UNC5C: variants seen among roughly 807,000 people sequenced by gnomAD.
UNC5C encodes unc-5 netrin receptor C, also known as netrin receptor UNC5C.
A neutral mutation model predicts 99.8 loss-of-function variants in UNC5C; 47 were observed. That is an observed-to-expected ratio of 0.47 (90% CI 0.37 to 0.60). The LOEUF (loss-of-function observed/expected upper bound fraction) is 0.60. Among genes scored for constraint, UNC5C ranks in the 20% least tolerant of loss-of-function variants. The probability of loss-of-function intolerance (pLI) is 0.00; values close to 1 mark genes in which losing one functional copy is unlikely to be tolerated. For missense variants in UNC5C, 1,062 were observed against 1,165.9 expected, an observed-to-expected ratio of 0.91 and a Z score of 1.30; for synonymous variants, 487 against 452.2, an observed-to-expected ratio of 1.08 and a Z score of -0.98.
intron 1 of UNC5C, among the ~76,000 whole-genome samples, chr4:95,447,726 C>T (rs1393676879): frequency 2.6e-5 from 4 of 152,122 alleles, no homozygotes; most frequent in Non-Finnish European, 1.5e-5. Context: ...GTCTCAAACT[C>T]GTGATCTCAG....
chr4:95,352,288 C>A (rs1197660862), intron 1 of UNC5C, among the ~76,000 whole-genome samples: 1 of 152,136 alleles, frequency 6.6e-6, no homozygotes, highest in Non-Finnish European at 1.5e-5. Context: ...TTTGAACACA[C>A]CAAACTCATT....
At chr4:95,193,341 C>T (rs571256317) in intron 12 of UNC5C, among the ~76,000 whole-genome samples, 14 of 152,282 alleles carry the variant, frequency 9.2e-5, no homozygotes, top group South Asian at 2.1e-4. Flanking sequence ...TGCTTTGGTT[C>T]GGCTTTCTGG....
intron 1 of UNC5C, among the ~76,000 whole-genome samples, chr4:95,467,751 C>T (rs960358892): frequency 5.3e-5 from 8 of 152,032 alleles, no homozygotes; most frequent in Admixed American, 2.0e-4. Flanking sequence ...TTTCATTCTC[C>T]AAATCTTAAC....
rs745739325 is a variant in UNC5C at position 95,548,722 on chromosome 4, G to C, written c.124+12C>G. The C allele has an allele frequency of 3.1e-6, 5 of 1,611,594 alleles. No individual in the cohort carries two copies. In the African/African-American group the frequency reaches 6.7e-5, roughly 22 times the overall value. ...AAGGGAGGTGGCCGCGGAGCTTGGC[G>C]GACCCCCTTACCTTGGGCGGCGGAG... On this transcript the variant is annotated intron_variant, in intron 1 of 15. Transcript: ENST00000453304.
At chr4:95,271,598 C>T (rs945896719) in intron 4 of UNC5C, among the ~76,000 whole-genome samples, 1 of 152,238 alleles carries the variant, frequency 6.6e-6, no homozygotes, top group Non-Finnish European at 1.5e-5. Context: ...GTCTGCTGAA[C>T]TTCCACATGG....
intron 14 of UNC5C, among the ~76,000 whole-genome samples, chr4:95,181,069 C>CACA (rs971399721): frequency 2.6e-5 from 4 of 152,154 alleles, no homozygotes; most frequent in African/African-American, 9.7e-5. Flanking sequence ...AAATGCTAAC[C>CACA]ACAACAGTGG....
chr4:95,187,110 T>C (rs926819228), intron 12 of UNC5C, among the ~76,000 whole-genome samples: 12 of 152,326 alleles, frequency 7.9e-5, no homozygotes, highest in Admixed American at 2.6e-4. Flanking sequence ...ATGTTGATCA[T>C]GTTTGGTGTC....
chr4:95,414,325 A>G (rs1029574050), intron 1 of UNC5C, among the ~76,000 whole-genome samples: 1 of 152,136 alleles, frequency 6.6e-6, no homozygotes, highest in African/African-American at 2.4e-5. Context: ...GCAAGGGTCC[A>G]AGGGTCTACA....
chr4:95,199,376 G>A (rs1461725042), intron 12 of UNC5C, among the ~76,000 whole-genome samples: 1 of 152,102 alleles, frequency 6.6e-6, no homozygotes, highest in Admixed American at 6.5e-5. Context: ...CTATAACTAG[G>A]ATTTTGGTAT....
chr4:95,454,586 TCA>T (rs1747378414), intron 1 of UNC5C, among the ~76,000 whole-genome samples: 2 of 152,120 alleles, frequency 1.3e-5, no homozygotes, highest in Non-Finnish European at 2.9e-5. Flanking sequence ...GTAAATTTGT[TCA>T]CAGTTTCTTG....
At chr4:95,321,215 A>C (rs557345973) in intron 2 of UNC5C, among the ~76,000 whole-genome samples, 5 of 152,324 alleles carry the variant, frequency 3.3e-5, no homozygotes, top group African/African-American at 1.2e-4. Context: ...TCTGGAGTAC[A>C]TACAGGGTCT....
intron 10 of UNC5C, among the ~76,000 whole-genome samples, chr4:95,215,170 T>A (rs1176898635): frequency 6.6e-6 from 1 of 152,182 alleles, no homozygotes; most frequent in African/African-American, 2.4e-5. Context: ...TTTCTGAGGA[T>A]GAGAGCTGGG....
chr4:95,225,393 C>T (rs1191254932), intron 7 of UNC5C, among the ~76,000 whole-genome samples: 1 of 152,030 alleles, frequency 6.6e-6, no homozygotes, highest in Non-Finnish European at 1.5e-5. Context: ...AAGTGAAATG[C>T]ATATCCTGTG....
intron 3 of UNC5C, among the ~76,000 whole-genome samples, chr4:95,287,369 T>C (rs144336113): frequency 6.6e-6 from 1 of 152,324 alleles, no homozygotes; most frequent in East Asian, 1.9e-4. Context: ...CACTTTGCAG[T>C]CATTTCTGTA....
intron 3 of UNC5C, among the ~76,000 whole-genome samples, chr4:95,286,208 C>T (rs1012101457): frequency 3.3e-5 from 5 of 152,042 alleles, no homozygotes; most frequent in Non-Finnish European, 5.9e-5. Context: ...TAAACATAAC[C>T]AAGTGAGACA....
chr4:95,405,207 C>T (rs1178202330), intron 1 of UNC5C, among the ~76,000 whole-genome samples: 1 of 152,140 alleles, frequency 6.6e-6, no homozygotes, highest in African/African-American at 2.4e-5. Context: ...GGTGAAAGAG[C>T]TTTGTAACTC....
intron 2 of UNC5C, among the ~76,000 whole-genome samples, chr4:95,306,494 G>T (rs776623506): frequency 2.0e-5 from 3 of 151,990 alleles, no homozygotes; most frequent in Non-Finnish European, 4.4e-5. Flanking sequence ...GAGCCACCAC[G>T]CCTGCCTCTT....
At chr4:95,255,655 CTTCTA>C (rs1739948983) in intron 4 of UNC5C, among the ~76,000 whole-genome samples, 2 of 152,156 alleles carry the variant, frequency 1.3e-5, no homozygotes, top group African/African-American at 4.8e-5. Flanking sequence ...TAGTCTCGCT[CTTCTA>C]TTCAAGGGCA....
At chr4:95,448,094 G>A (rs992549128) in intron 1 of UNC5C, among the ~76,000 whole-genome samples, 3 of 152,034 alleles carry the variant, frequency 2.0e-5, no homozygotes, top group Non-Finnish European at 4.4e-5. Context: ...TTTTCTCTCA[G>A]CTCCACTCTG....
Sources: allele counts gnomAD v4.1 joint callset (sites outside exome capture counted in the v4.1 genomes callset), GRCh38; gene constraint gnomAD v4.1.1; transcripts MANE v1.5; gene names NCBI Gene and HGNC (gene_info 2026-07-23, HGNC 2026-07-21).